ACYP2: variants seen among roughly 807,000 people sequenced by gnomAD.
ACYP2 encodes acylphosphatase-2.
In ACYP2, 12 loss-of-function variants were observed where a neutral mutation model predicts 11.2. The ratio of observed to expected loss-of-function variants is 1.08; its 90% CI spans 0.69 to 1.74. The LOEUF is 1.74. Among genes scored for constraint, ACYP2 ranks in the 40% most tolerant of loss-of-function variants. The pLI, the probability that ACYP2 is intolerant of heterozygous loss-of-function variation, is 0.00. For synonymous variants in ACYP2, 43 were observed against 32.2 expected (o/e 1.33, Z -1.13); for missense variants, 134 against 101.9 (o/e 1.31, Z -1.35).
intron 2 of ACYP2, among the ~76,000 whole-genome samples, chr2:54,050,040 A>G (rs1044482736): frequency 7.9e-5 from 12 of 152,254 alleles, no homozygotes; most frequent in East Asian, 3.9e-4. Flanking sequence ...AAATGCGTGT[A>G]TTTCTGTGTA....
intron 2 of ACYP2, among the ~76,000 whole-genome samples, chr2:53,981,316 G>C (rs1024036993): frequency 8.5e-5 from 13 of 152,154 alleles, no homozygotes; most frequent in African/African-American, 2.9e-4. Flanking sequence ...TATTGAAAAT[G>C]AAAGTACACT....
chr2:54,256,160 C>T (rs1308888817), intron 6 of ACYP2: 16 of 1,605,276 alleles, frequency 1.0e-5, no homozygotes, highest in East Asian at 2.2e-5. Context: ...ATGTTGGTAG[C>T]GGCCAGGGCA....
chr2:54,018,969 T>C (rs535636619), intron 2 of ACYP2, among the ~76,000 whole-genome samples: 14 of 152,226 alleles, frequency 9.2e-5, no homozygotes, highest in African/African-American at 3.1e-4. Context: ...GGTCTCAAAC[T>C]CCTGATCTCA....
intron 2 of ACYP2, among the ~76,000 whole-genome samples, chr2:53,992,216 CTCCT>C (rs750186019): frequency 1.8e-4 from 26 of 147,872 alleles, no homozygotes; most frequent in African/African-American, 2.7e-4. Flanking sequence ...TTTCTTCTTT[CTCCT>C]TCCTTCCTTC....
intron 2 of ACYP2, among the ~76,000 whole-genome samples, chr2:54,001,944 C>T (rs113579495): frequency 6.6e-6 from 1 of 152,188 alleles, no homozygotes; most frequent in African/African-American, 2.4e-5. Flanking sequence ...CAACCTCTTC[C>T]ACTATCAACA....
In ACYP2 at chr2:54,251,616, A is replaced by G. The variant is rs1007589154; in HGVS notation, c.405-53072A>G. ...AAGTTTATTGGGAGACAATTCTCCC[A>G]TGTGTCTCATGTTTCTGCATATCTT... On this transcript the variant is annotated intron_variant, in intron 6 of 6. Transcript: ENST00000607452. Among the ~76,000 whole-genome samples, 11 of 152,240 alleles carry G rather than the reference A, an allele frequency of 7.2e-5. No individual in the cohort carries two copies. In the South Asian group the frequency reaches 1.9e-3, roughly 26 times the overall value.
chr2:54,111,877 C>A (rs553096528), intron 4 of ACYP2, among the ~76,000 whole-genome samples: 1 of 152,188 alleles, frequency 6.6e-6, no homozygotes, highest in African/African-American at 2.4e-5. Flanking sequence ...ATAACTCTAG[C>A]AATCACTTTC....
intron 6 of ACYP2, among the ~76,000 whole-genome samples, chr2:54,278,416 TG>T (rs1452393916): frequency 4.6e-5 from 7 of 152,228 alleles, no homozygotes; most frequent in Admixed American, 1.3e-4. Flanking sequence ...AAGAATAAAT[TG>T]GTGGTTGGAA....
rs1218672184 is a variant in ACYP2, at chr2:54,144,418, G to C, written c.404+5670G>C. On this transcript the variant is annotated intron_variant, in intron 6 of 6. Coordinates refer to ENST00000607452, the MANE Select transcript of ACYP2 (RefSeq NM_001320586.2). The stretch of plus-strand genomic sequence containing the variant: ...TCGGCCGGTGCGGTGGCTCACGCCT[G>C]TAACCCCAGCACTCTGGGAGGCTGA... Among the ~76,000 whole-genome samples the C allele has an allele frequency of 3.3e-5, 5 of 152,124 alleles. No homozygotes were observed. In the East Asian group the frequency reaches 9.6e-4, roughly 29 times the overall value.
intron 4 of ACYP2, among the ~76,000 whole-genome samples, chr2:54,077,191 T>C (rs1677388356): frequency 6.6e-6 from 1 of 152,164 alleles, no homozygotes; most frequent in Non-Finnish European, 1.5e-5. Flanking sequence ...GAATTAGAGA[T>C]TTTTGGAAAT....
chr2:54,162,407 T>A (rs1682760019), intron 6 of ACYP2, among the ~76,000 whole-genome samples: 1 of 152,196 alleles, frequency 6.6e-6, no homozygotes, highest in Non-Finnish European at 1.5e-5. Flanking sequence ...CTCAGTATTC[T>A]CTCTTCTATT....
chr2:54,200,255 ATG>A (rs1166413445), intron 6 of ACYP2, among the ~76,000 whole-genome samples: 2 of 152,160 alleles, frequency 1.3e-5, no homozygotes, highest in African/African-American at 4.8e-5. Flanking sequence ...GTGTGGGTGT[ATG>A]TGTTTATATG....
chr2:54,027,837 C>CTTTTTTTTTTTTT (rs34122179), intron 2 of ACYP2, among the ~76,000 whole-genome samples: 23 of 97,866 alleles, frequency 2.4e-4, no homozygotes, highest in Middle Eastern at 5.7e-3. Context: ...TTCTTTCTTT[C>CTTTTTTTTTTTTT]TTTTTTTTTT....
At chr2:54,119,016 C>T (rs1285443383) in intron 4 of ACYP2, among the ~76,000 whole-genome samples, 1 of 137,108 alleles carries the variant, frequency 7.3e-6, no homozygotes, top group Non-Finnish European at 1.5e-5. Flanking sequence ...CCCAGTTATA[C>T]ACAAGTTAAG....
chr2:54,096,519 C>T (rs1004080885), intron 4 of ACYP2, among the ~76,000 whole-genome samples: 6 of 152,254 alleles, frequency 3.9e-5, no homozygotes, highest in African/African-American at 1.4e-4. Flanking sequence ...CAAGATCACG[C>T]CACTGCACTC....
At chr2:54,267,385 A>G (rs1688086888) in intron 6 of ACYP2, 2 of 1,537,820 alleles carry the variant, frequency 1.3e-6, no homozygotes, top group African/African-American at 1.4e-5. Context: ...TTCTACTTTC[A>G]AATGAGAAGG....
chr2:54,249,034 C>T (rs1177817864), intron 6 of ACYP2, among the ~76,000 whole-genome samples: 1 of 151,688 alleles, frequency 6.6e-6, no homozygotes, highest in African/African-American at 2.4e-5. Flanking sequence ...TGAGTGGACT[C>T]TGGTAAGAAT....
intron 6 of ACYP2, chr2:54,254,668 C>G (rs1316766206): frequency 2.0e-6 from 1 of 490,900 alleles, no homozygotes; most frequent in Admixed American, 3.5e-5. Flanking sequence ...ATTCGCTTCG[C>G]TTAGAAGGAT....
At chr2:54,150,480 C>T (rs1682104354) in intron 6 of ACYP2, among the ~76,000 whole-genome samples, 1 of 152,010 alleles carries the variant, frequency 6.6e-6, no homozygotes, top group South Asian at 2.1e-4. Flanking sequence ...GAGTGCAGTG[C>T]CCTGATACTC....
Sources: gnomAD v4.1 joint callset for allele counts (sites outside exome capture counted in the v4.1 genomes callset) on GRCh38, gnomAD v4.1.1 for gene constraint, MANE v1.5 for transcripts, NCBI Gene and HGNC (gene_info 2026-07-23, HGNC 2026-07-21) for gene names.